The following LIN7A variants were observed in gnomAD, a reference collection of about 807,000 sequenced individuals.
LIN7A encodes the protein protein lin-7 homolog A.
A neutral mutation model predicts 29.8 loss-of-function variants in LIN7A; 25 were observed. The ratio of observed to expected loss-of-function variants is 0.84; its 90% CI spans 0.61 to 1.17. The LOEUF (loss-of-function observed/expected upper bound fraction) is 1.17, where lower values mean the gene tolerates loss of function less well. Among genes scored for constraint, LIN7A ranks in the 50% most tolerant of loss-of-function variants. The pLI is 0.00. For synonymous variants in LIN7A, 118 were observed against 107.5 expected, an observed-to-expected ratio of 1.10 and a Z score of -0.60; for missense variants, 239 against 287.0, an observed-to-expected ratio of 0.83 and a Z score of 1.21.
chr12:80,918,724 A>G (rs1269331856), intron 1 of LIN7A, among the ~76,000 whole-genome samples: 1 of 152,210 alleles, frequency 6.6e-6, no homozygotes, highest in Admixed American at 6.5e-5. Flanking sequence ...AGTCTACCAT[A>G]TTAGAGACTC....
intron 2 of LIN7A, among the ~76,000 whole-genome samples, chr12:80,880,705 T>C (rs990828592): frequency 6.6e-6 from 1 of 151,944 alleles, no homozygotes; most frequent in Admixed American, 6.6e-5. Context: ...AAGATTTTTG[T>C]TCCATTAGGA....
intron 2 of LIN7A, among the ~76,000 whole-genome samples, chr12:80,864,286 C>A (rs1372061621): frequency 6.6e-6 from 1 of 151,092 alleles, no homozygotes; most frequent in African/African-American, 2.4e-5. Flanking sequence ...CACTTGGGAT[C>A]TGCATAAGAT....
chr12:80,802,636 C>CT (rs1870775714), intron 5 of LIN7A, among the ~76,000 whole-genome samples: 1 of 147,710 alleles, frequency 6.8e-6, no homozygotes, highest in African/African-American at 2.5e-5. Flanking sequence ...CACTTGTTAT[C>CT]TTTTTTCTTT....
At position 80,826,400 on chromosome 12, in the gene LIN7A, G is replaced by T. The variant is rs1210896507; in HGVS notation, c.484-14717C>A. On this transcript the variant is annotated intron_variant, in intron 4 of 5. Transcript: ENST00000552864. ...CTACATCCAATTAACCACCAATACT[G>T]GTTGATATTAATGCGTCAATTACCA... Among the ~76,000 whole-genome samples, 4 of 152,210 alleles carry T rather than the reference G, an allele frequency of 2.6e-5. No homozygotes were observed. The East Asian group carries it at 7.7e-4, about 29-fold the overall frequency.
At chr12:80,844,060 T>A (rs1872947012) in intron 4 of LIN7A, among the ~76,000 whole-genome samples, 1 of 151,990 alleles carries the variant, frequency 6.6e-6, no homozygotes, top group Non-Finnish European at 1.5e-5. Context: ...ATACTGTTTT[T>A]AAATCTATAC....
intron 4 of LIN7A, among the ~76,000 whole-genome samples, chr12:80,829,658 A>G (rs1424105308): frequency 6.6e-6 from 1 of 152,216 alleles, no homozygotes; most frequent in African/African-American, 2.4e-5. Flanking sequence ...GATTCCACAG[A>G]GAGTAATCAG....
intron 4 of LIN7A, among the ~76,000 whole-genome samples, chr12:80,840,223 C>T (rs1301139501): frequency 2.0e-5 from 3 of 152,272 alleles, no homozygotes; most frequent in South Asian, 4.1e-4. Flanking sequence ...ATCCTTTACC[C>T]AGCTTTCCCC....
At chr12:80,801,897 C>CTT (rs538377751) in intron 5 of LIN7A, among the ~76,000 whole-genome samples, 3,957 of 138,610 alleles carry the variant, frequency 0.029, 212 homozygotes, top group African/African-American at 0.096. Flanking sequence ...ATGAGTCTAA[C>CTT]TTTTTTTTTT....
At chr12:80,840,485 C>CAG (rs947438305) in intron 4 of LIN7A, among the ~76,000 whole-genome samples, 1 of 151,348 alleles carries the variant, frequency 6.6e-6, no homozygotes, top group Non-Finnish European at 1.5e-5. Context: ...GACAGAGGGA[C>CAG]AGAGAGAGAG....
intron 2 of LIN7A, 40 bp downstream of exon 2, chr12:80,889,211 C>T (rs1168989862): frequency 9.9e-7 from 1 of 1,009,302 alleles, no homozygotes; most frequent in African/African-American, 1.6e-5. Context: ...ATGAAGAAGA[C>T]ATATGGCTGA....
intron 4 of LIN7A, among the ~76,000 whole-genome samples, chr12:80,842,640 A>G (rs1236830068): frequency 6.7e-6 from 1 of 149,074 alleles, no homozygotes; most frequent in Non-Finnish European, 1.5e-5. Flanking sequence ...TTTTTTTTTC[A>G]TTAAATATTG....
chr12:80,837,565 C>T (rs1872635274), intron 4 of LIN7A, among the ~76,000 whole-genome samples: 1 of 152,080 alleles, frequency 6.6e-6, no homozygotes, highest in South Asian at 2.1e-4. Flanking sequence ...GGGAGCACAG[C>T]CCTGTTGATG....
intron 2 of LIN7A, among the ~76,000 whole-genome samples, chr12:80,876,074 C>G (rs372013286): frequency 0.02 from 1,692 of 84,942 alleles, 15 homozygotes; most frequent in Non-Finnish European, 0.044. Flanking sequence ...CACACACACA[C>G]ACACACAGAG....
chr12:80,807,327 C>A (rs954534101), intron 5 of LIN7A, among the ~76,000 whole-genome samples: 1 of 152,036 alleles, frequency 6.6e-6, no homozygotes, highest in Non-Finnish European at 1.5e-5. Context: ...GCCTTGGCCT[C>A]CCAAAGTGCT....
chr12:80,807,850 G>A (rs1871117345), intron 5 of LIN7A, among the ~76,000 whole-genome samples: 1 of 152,136 alleles, frequency 6.6e-6, no homozygotes, highest in Admixed American at 6.5e-5. Flanking sequence ...TTTCCTGCCT[G>A]GACTACTACA....
intron 1 of LIN7A, among the ~76,000 whole-genome samples, chr12:80,919,740 A>C (rs1345629644): frequency 1.3e-5 from 2 of 152,238 alleles, no homozygotes; most frequent in Non-Finnish European, 2.9e-5. Flanking sequence ...ACTCTCCCAC[A>C]CAAGACTCTC....
intron 5 of LIN7A, among the ~76,000 whole-genome samples, chr12:80,803,505 C>T (rs148186125): frequency 2.6e-5 from 4 of 152,286 alleles, no homozygotes; most frequent in African/African-American, 9.6e-5. Flanking sequence ...TTTATGTCAA[C>T]AGCATGTTGT....
intron 5 of LIN7A, among the ~76,000 whole-genome samples, chr12:80,800,904 T>G (rs1870689993): frequency 6.6e-6 from 1 of 152,150 alleles, no homozygotes; most frequent in Non-Finnish European, 1.5e-5. Context: ...GTTAATGACC[T>G]TAATGTCCAT....
chr12:80,800,005 G>A (rs1056053168), intron 5 of LIN7A, among the ~76,000 whole-genome samples: 6 of 151,568 alleles, frequency 4.0e-5, no homozygotes, highest in Admixed American at 3.9e-4. Context: ...ATAAAAAGAC[G>A]GATAAAATCA....
Sources: gnomAD v4.1 joint callset for allele counts (sites outside exome capture counted in the v4.1 genomes callset) on GRCh38, gnomAD v4.1.1 for gene constraint, MANE v1.5 for transcripts, NCBI Gene and HGNC (gene_info 2026-07-23, HGNC 2026-07-21) for gene names.